Variants in RPTOR observed in about 807,000 individuals in gnomAD.
The protein encoded by RPTOR is regulatory associated protein of MTOR complex 1.
A neutral mutation model predicts 169.9 loss-of-function variants in RPTOR; 21 were observed. The ratio of observed to expected loss-of-function variants is 0.12; its 90% CI spans 0.09 to 0.18. The LOEUF (loss-of-function observed/expected upper bound fraction) is 0.18. RPTOR is among the 10% of genes least tolerant of loss of function. The probability of loss-of-function intolerance (pLI) is 1.00; values close to 1 mark genes in which losing one functional copy is unlikely to be tolerated. For missense variants in RPTOR, 1,133 were observed against 1,855.9 expected, an observed-to-expected ratio of 0.61 and a Z score of 7.16; for synonymous variants, 732 against 753.2, an observed-to-expected ratio of 0.97 and a Z score of 0.46.
chr17:80,561,263 G>GTGTGTATATATATA (rs1297941814), intron 1 of RPTOR, among the ~76,000 whole-genome samples: 4 of 19,610 alleles, frequency 2.0e-4, no homozygotes, highest in African/African-American at 3.7e-4. Flanking sequence ...ATATATATAT[G>GTGTGTATATATATA]TATATATATA....
At chr17:80,923,730 G>A in intron 23 of RPTOR, 57 bp downstream of exon 23, 1 of 1,475,268 alleles carries the variant, frequency 6.8e-7, no homozygotes, top group East Asian at 2.5e-5. Flanking sequence ...TTCTCAGATG[G>A]GGGCTCATGG....
intron 3 of RPTOR, among the ~76,000 whole-genome samples, chr17:80,703,378 A>G (rs942473406): frequency 1.3e-5 from 2 of 152,150 alleles, no homozygotes; most frequent in African/African-American, 2.4e-5. Context: ...TTTAATGTGC[A>G]TGAAAAGAGG....
At chr17:80,757,352 A>T (rs1257859533) in intron 6 of RPTOR, among the ~76,000 whole-genome samples, 1 of 152,142 alleles carries the variant, frequency 6.6e-6, no homozygotes. Flanking sequence ...ACCTTCCCTG[A>T]CGCCACGTTG....
intron 3 of RPTOR, among the ~76,000 whole-genome samples, chr17:80,698,100 C>CTA (rs1555608645): frequency 0.091 from 13,825 of 151,850 alleles, 713 homozygotes; most frequent in African/African-American, 0.14. Flanking sequence ...GGGAATTTGA[C>CTA]CAGATTTCTC....
At chr17:80,882,962 A>G (rs554866957) in intron 14 of RPTOR, among the ~76,000 whole-genome samples, 1 of 152,364 alleles carries the variant, frequency 6.6e-6, no homozygotes, top group South Asian at 2.1e-4. Context: ...AGGAAAGGAC[A>G]GAATGAAAAT....
intron 23 of RPTOR, 135 bp downstream of exon 23, chr17:80,923,808 G>C (rs1382228908): frequency 1.0e-6 from 1 of 993,056 alleles, no homozygotes; most frequent in Admixed American, 2.9e-5. Flanking sequence ...CTGGGTCTGT[G>C]GGCCACTCTC....
intron 1 of RPTOR, among the ~76,000 whole-genome samples, chr17:80,561,157 G>A (rs1049107917): frequency 8.2e-5 from 12 of 147,204 alleles, no homozygotes; most frequent in Non-Finnish European, 1.6e-4. Context: ...TGCAATCTCC[G>A]CCTCCCGGGT....
chr17:80,863,355 C>G (rs1156683114), intron 13 of RPTOR, among the ~76,000 whole-genome samples: 1 of 152,132 alleles, frequency 6.6e-6, no homozygotes, highest in Non-Finnish European at 1.5e-5. Flanking sequence ...CCAGAAATTA[C>G]CAGGCAGATA....
At position 80,744,907 on chromosome 17, in the gene RPTOR, CTACTAGCACAGCCCTGGT is replaced by C. The variant is rs1451662656; in HGVS notation, c.655-9094_655-9077del. Among the ~76,000 whole-genome samples, 4 of 66,964 alleles carry C rather than the reference CTACTAGCACAGCCCTGGT, an allele frequency of 6.0e-5. No homozygotes were observed. The East Asian group carries it at 2.5e-3, about 43-fold the overall frequency. 43.9% of individuals were successfully genotyped at this position (66,964 alleles called of 152,430 possible). On this transcript the variant is annotated intron_variant, in intron 5 of 33. Coordinates refer to ENST00000306801, the MANE Select transcript of RPTOR (RefSeq NM_020761.3). ...GCCCTGGCTACTAGCACTGTCCTGG[CTACTAGCACAGCCCTGGT>C]TACTAGCAGAGCCCTGGTTACTAGC... is the stretch of plus-strand genomic sequence containing the variant.
chr17:80,825,430 A>G (rs2067431548), intron 9 of RPTOR, among the ~76,000 whole-genome samples: 1 of 152,018 alleles, frequency 6.6e-6, no homozygotes, highest in African/African-American at 2.4e-5. Flanking sequence ...GCCCCTCAGA[A>G]GTTTTCTGAG....
intron 13 of RPTOR, among the ~76,000 whole-genome samples, chr17:80,877,030 G>A (rs1470893773): frequency 3.8e-5 from 5 of 129,940 alleles, no homozygotes; most frequent in Admixed American, 7.9e-5. Flanking sequence ...TCTTCCCACC[G>A]AGCCCGTGCC....
chr17:80,891,665 C>T, intron 17 of RPTOR, 55 bp from the exon 18 acceptor site: 1 of 1,227,764 alleles, frequency 8.1e-7, no homozygotes, highest in South Asian at 1.2e-5. Flanking sequence ...CACTGCTGCT[C>T]CACAATCATT....
intron 3 of RPTOR, among the ~76,000 whole-genome samples, chr17:80,669,257 C>A (rs1471190785): frequency 1.3e-5 from 2 of 152,252 alleles, no homozygotes; most frequent in Non-Finnish European, 2.9e-5. Flanking sequence ...AGTCCAAATT[C>A]TTCTTCTCTT....
At chr17:80,956,891 G>A (rs2069257722) in intron 28 of RPTOR, among the ~76,000 whole-genome samples, 1 of 152,112 alleles carries the variant, frequency 6.6e-6, no homozygotes, top group Non-Finnish European at 1.5e-5. Context: ...GCTCCGAACA[G>A]TGGGCACCTT....
chr17:80,572,265 T>C (rs1371159068), intron 1 of RPTOR, among the ~76,000 whole-genome samples: 1 of 152,154 alleles, frequency 6.6e-6, no homozygotes, highest in East Asian at 1.9e-4. Context: ...GCCTGGCTAA[T>C]TTTTCTTTGT....
At chr17:80,739,147 C>A (rs2066460109) in intron 5 of RPTOR, among the ~76,000 whole-genome samples, 1 of 152,382 alleles carries the variant, frequency 6.6e-6, no homozygotes, top group African/African-American at 2.4e-5. Flanking sequence ...AACACCTCTG[C>A]CGCCACCACG....
intron 5 of RPTOR, among the ~76,000 whole-genome samples, chr17:80,735,740 T>G (rs1356126071): frequency 6.6e-6 from 1 of 152,154 alleles, no homozygotes; most frequent in Non-Finnish European, 1.5e-5. Flanking sequence ...ACTGCCCCAG[T>G]AAGTCTTGTT....
chr17:80,794,488 C>A (rs2067081215), intron 7 of RPTOR, among the ~76,000 whole-genome samples: 1 of 152,214 alleles, frequency 6.6e-6, no homozygotes. Flanking sequence ...GGTGCGGCCA[C>A]TCTGGAAGAA....
chr17:80,598,928 C>CT (rs1450037166), intron 1 of RPTOR, among the ~76,000 whole-genome samples: 10 of 150,288 alleles, frequency 6.7e-5, no homozygotes, highest in African/African-American at 1.7e-4. Context: ...ATCTATCTAT[C>CT]TTTTTGAGAC....
Sources: allele counts gnomAD v4.1 joint callset (sites outside exome capture counted in the v4.1 genomes callset), GRCh38; gene constraint gnomAD v4.1.1; transcripts MANE v1.5; gene names NCBI Gene and HGNC (gene_info 2026-07-23, HGNC 2026-07-21).